ASTN2: variants seen among roughly 807,000 people sequenced by gnomAD.
The protein encoded by ASTN2 is astrotactin-2.
A neutral mutation model predicts 139.8 loss-of-function variants in ASTN2; 54 were observed. The ratio of observed to expected loss-of-function variants is 0.39; its 90% CI spans 0.31 to 0.48. The LOEUF is 0.48. Among genes scored for constraint, ASTN2 ranks in the 20% least tolerant of loss-of-function variants. The pLI, the probability that ASTN2 is intolerant of heterozygous loss-of-function variation, is 0.95. For missense variants in ASTN2, 1,565 were observed against 1,725.1 expected (o/e 0.91, Z 1.64); for synonymous variants, 756 against 719.5 (o/e 1.05, Z -0.81).
chr9:117,190,307 AAAAAC>A (rs970695822), intron 3 of ASTN2, among the ~76,000 whole-genome samples: 2 of 152,208 alleles, frequency 1.3e-5, no homozygotes, highest in South Asian at 2.1e-4. Context: ...GTAGGCAAGC[AAAAAC>A]AAAACAAAAC....
At chr9:116,634,035 G>C (rs896971666) in intron 17 of ASTN2, among the ~76,000 whole-genome samples, 12 of 152,214 alleles carry the variant, frequency 7.9e-5, no homozygotes, top group Middle Eastern at 3.4e-3. Flanking sequence ...ATGGTCACTG[G>C]AACCAGACTC....
chr9:116,695,600 C>T (rs894563373), intron 16 of ASTN2, among the ~76,000 whole-genome samples: 2 of 152,172 alleles, frequency 1.3e-5, no homozygotes, highest in Non-Finnish European at 2.9e-5. Context: ...ACTTGCCCTC[C>T]ACTTCCTCCT....
At chr9:117,314,859 ATAT>A (rs1251942302) in intron 1 of ASTN2, among the ~76,000 whole-genome samples, 1 of 145,264 alleles carries the variant, frequency 6.9e-6, no homozygotes, top group East Asian at 2.0e-4. Flanking sequence ...AGTATACGTA[ATAT>A]TATAAATATA....
At chr9:116,665,715 A>G (rs951425332) in intron 16 of ASTN2, among the ~76,000 whole-genome samples, 24 of 152,184 alleles carry the variant, frequency 1.6e-4, no homozygotes, top group African/African-American at 5.5e-4. Context: ...ATACAAACCA[A>G]CTTAAAGGGA....
rs1385218517 is a variant in ASTN2 at position 116,936,655 on chromosome 9, ATT to A, written c.1889+38551_1889+38552del. ...CCAGAGACATTTCTCTCTTCCAGGA[ATT>A]TTCAAGCTGTAAAGTTTGGGTTTTC... On this transcript the variant is annotated intron_variant, in intron 10 of 22. Coordinates refer to ENST00000313400, the MANE Select transcript of ASTN2 (RefSeq NM_001365068.1). Among the ~76,000 whole-genome samples, 16 of 152,202 alleles carry A rather than the reference ATT, an allele frequency of 1.1e-4. No individual in the cohort carries two copies. The East Asian group carries it at 3.1e-3, about 30-fold the overall frequency.
At chr9:116,951,391 A>G (rs1397074962) in intron 10 of ASTN2, among the ~76,000 whole-genome samples, 1 of 144,828 alleles carries the variant, frequency 6.9e-6, no homozygotes, top group African/African-American at 2.5e-5. Context: ...AGATACTGCC[A>G]TGTATGAGCC....
intron 22 of ASTN2, among the ~76,000 whole-genome samples, chr9:116,438,529 G>A (rs1312044266): frequency 2.0e-5 from 3 of 152,122 alleles, no homozygotes; most frequent in Non-Finnish European, 2.9e-5. Context: ...TCTAGGGTAG[G>A]GAAAGGATTT....
At chr9:116,866,816 C>T (rs1236712495) in intron 10 of ASTN2, among the ~76,000 whole-genome samples, 1 of 150,146 alleles carries the variant, frequency 6.7e-6, no homozygotes, top group East Asian at 2.0e-4. Context: ...TTGCTTGAAC[C>T]CAGGAGGCAG....
intron 19 of ASTN2, among the ~76,000 whole-genome samples, chr9:116,595,769 TC>T: frequency 6.6e-6 from 1 of 152,226 alleles, no homozygotes; most frequent in South Asian, 2.1e-4. Context: ...ACAAGTAAGG[TC>T]CTAAGGCATG....
chr9:116,656,426 T>C (rs1347668410), intron 16 of ASTN2, among the ~76,000 whole-genome samples: 1 of 152,198 alleles, frequency 6.6e-6, no homozygotes, highest in Non-Finnish European at 1.5e-5. Flanking sequence ...ATGTAGGCCC[T>C]TGCCATTAAG....
At chr9:117,276,492 C>T (rs1834192499) in intron 2 of ASTN2, among the ~76,000 whole-genome samples, 1 of 152,200 alleles carries the variant, frequency 6.6e-6, no homozygotes, top group South Asian at 2.1e-4. Flanking sequence ...TAAACAAAGC[C>T]TCTGGCACAG....
At chr9:117,220,510 G>A (rs1832478365) in intron 2 of ASTN2, among the ~76,000 whole-genome samples, 1 of 152,182 alleles carries the variant, frequency 6.6e-6, no homozygotes, top group African/African-American at 2.4e-5. Context: ...TTGGATTAAA[G>A]TGGGCCCTAA....
At chr9:116,702,175 C>G (rs530998220) in intron 16 of ASTN2, among the ~76,000 whole-genome samples, 4 of 152,084 alleles carry the variant, frequency 2.6e-5, no homozygotes, top group Non-Finnish European at 5.9e-5. Flanking sequence ...AACTCTTCCT[C>G]TTCTGGAAAA....
chr9:117,354,018 C>G (rs1005389862), intron 1 of ASTN2, among the ~76,000 whole-genome samples: 4 of 152,080 alleles, frequency 2.6e-5, no homozygotes, highest in African/African-American at 9.7e-5. Context: ...CAAAAGTGAA[C>G]CCCAATATAA....
At chr9:117,291,602 A>C in intron 1 of ASTN2, 89 bp from the exon 2 acceptor site, 13 of 1,244,750 alleles carry the variant, frequency 1.0e-5, no homozygotes, top group Non-Finnish European at 1.3e-5. Context: ...TCAGGAGCTC[A>C]GAAGGCATCC....
At chr9:116,786,751 G>A (rs1830389452) in intron 13 of ASTN2, among the ~76,000 whole-genome samples, 1 of 152,116 alleles carries the variant, frequency 6.6e-6, no homozygotes, top group African/African-American at 2.4e-5. Context: ...GATATGGTTT[G>A]GCTGTGTCCC....
chr9:117,259,143 T>G (rs1833761015), intron 2 of ASTN2, among the ~76,000 whole-genome samples: 1 of 152,178 alleles, frequency 6.6e-6, no homozygotes, highest in Admixed American at 6.5e-5. Flanking sequence ...TGTAAGCTCC[T>G]GACCTCAAAA....
At chr9:117,338,568 A>G (rs1828965717) in intron 1 of ASTN2, among the ~76,000 whole-genome samples, 1 of 152,104 alleles carries the variant, frequency 6.6e-6, no homozygotes, top group African/African-American at 2.4e-5. Context: ...GATACTTAAA[A>G]CATACCCTAA....
intron 19 of ASTN2, among the ~76,000 whole-genome samples, chr9:116,609,456 A>G (rs549236050): frequency 6.7e-6 from 1 of 148,540 alleles, no homozygotes; most frequent in South Asian, 2.1e-4. Context: ...AGCAATGCAA[A>G]CAAGAAGACC....
Sources: allele counts gnomAD v4.1 joint callset (sites outside exome capture counted in the v4.1 genomes callset), GRCh38; gene constraint gnomAD v4.1.1; transcripts MANE v1.5; gene names NCBI Gene and HGNC (gene_info 2026-07-23, HGNC 2026-07-21).